NFIC: variants seen among roughly 807,000 people sequenced by gnomAD.
NFIC encodes the protein nuclear factor I C.
Under a neutral mutation model 54.4 loss-of-function variants are expected in NFIC, and 12 were observed. That is an observed-to-expected ratio of 0.22 (90% CI 0.14 to 0.36). The LOEUF is 0.36. Ranked by LOEUF, NFIC falls within the 10% of genes least tolerant of loss-of-function variation. The pLI is 1.00. For synonymous variants in NFIC, 322 were observed against 319.2 expected (o/e 1.01, Z -0.09); for missense variants, 575 against 718.2 (o/e 0.80, Z 2.28).
At chr19:3,439,993 C>T (rs1320701634) in intron 6 of NFIC, among the ~76,000 whole-genome samples, 2 of 151,966 alleles carry the variant, frequency 1.3e-5, no homozygotes, top group African/African-American at 4.8e-5. Flanking sequence ...CGGCCAAACA[C>T]TGGAAGAATT....
intron 6 of NFIC, among the ~76,000 whole-genome samples, chr19:3,444,569 G>T (rs555957886): frequency 6.6e-6 from 1 of 152,300 alleles, no homozygotes; most frequent in Non-Finnish European, 1.5e-5. Flanking sequence ...ATTCTTTCTC[G>T]CGGTGCCTGA....
At chr19:3,460,803 C>T (rs1003122753) in intron 10 of NFIC, among the ~76,000 whole-genome samples, 1 of 152,028 alleles carries the variant, frequency 6.6e-6, no homozygotes, top group Non-Finnish European at 1.5e-5. Flanking sequence ...CATGAGCCAC[C>T]GAGCCCAGCC....
In NFIC at chr19:3,464,763, G is replaced by A. The variant is rs2082694457; in HGVS notation, c.*1994G>A. The A allele has an allele frequency of 9.3e-6, 9 of 970,284 alleles. No individual in the cohort carries two copies. In the South Asian group the frequency reaches 2.4e-4, roughly 26 times the overall value. The allele number at this position is 970,284 out of a possible 1,614,324, so 60.1% of individuals were successfully genotyped here. A position where few individuals can be genotyped will look rare whatever the true frequency, so the allele number is the denominator to read the frequency against. On this transcript the variant is annotated 3_prime_UTR_variant, in exon 11 of 11. Coordinates refer to ENST00000443272, the MANE Select transcript of NFIC (RefSeq NM_001245002.2). ...ACCCTCCCCCATCACCCCCAAGAGA[G>A]GTTCGCCATCCTCTGGCCTCGAGCC...
At position 3,463,516 on chromosome 19, in the gene NFIC, C is replaced by G. The variant is rs1409760428; in HGVS notation, c.*747C>G. The G allele has an allele frequency of 1.0e-6, 1 of 984,978 alleles. No individual in the cohort carries two copies. The highest frequency in any genetic ancestry group is 1.2e-6 in the Non-Finnish European group (1 of 829,880). The allele number at this position is 984,978 out of a possible 1,614,324, so 61.0% of individuals were successfully genotyped here. ...CCCTGCCTGCCGCGGGGCCTCCCCACAAGCCCCTCCCAAAGCGCCGGCCGA... is the reference window on the plus strand; with the variant it reads ...CCCTGCCTGCCGCGGGGCCTCCCCAGAAGCCCCTCCCAAAGCGCCGGCCGA... On this transcript the variant is annotated 3_prime_UTR_variant, in exon 11 of 11. Transcript: ENST00000443272.
At chr19:3,378,261 C>CAA (rs77487928) in intron 1 of NFIC, among the ~76,000 whole-genome samples, 30 of 51,608 alleles carry the variant, frequency 5.8e-4, no homozygotes, top group Admixed American at 1.5e-3. Flanking sequence ...AACTCTGTCT[C>CAA]AAAAAAAAAA....
chr19:3,394,834 G>C (rs2081437314), intron 2 of NFIC, among the ~76,000 whole-genome samples: 1 of 152,014 alleles, frequency 6.6e-6, no homozygotes, highest in Non-Finnish European at 1.5e-5. Context: ...AGGGATCCAG[G>C]TTGCGTGCTC....
chr19:3,444,368 C>T (rs527593758), intron 6 of NFIC, among the ~76,000 whole-genome samples: 3 of 152,166 alleles, frequency 2.0e-5, no homozygotes, highest in East Asian at 1.9e-4. Flanking sequence ...TTCAGGATGC[C>T]GGGAGGGGCG....
intron 6 of NFIC, among the ~76,000 whole-genome samples, chr19:3,438,429 CTTTT>C (rs59788026): frequency 8.1e-6 from 1 of 124,058 alleles, no homozygotes. Flanking sequence ...CTGAGGGTTT[CTTTT>C]TTTTTTTTTT....
At chr19:3,368,608 C>T (rs2080939397) in intron 1 of NFIC, among the ~76,000 whole-genome samples, 1 of 152,190 alleles carries the variant, frequency 6.6e-6, no homozygotes, top group Non-Finnish European at 1.5e-5. Context: ...GGGCTCCCTC[C>T]TCCCCTGCGA....
At chr19:3,455,785 G>A (rs188398704) in intron 9 of NFIC, among the ~76,000 whole-genome samples, 37 of 152,244 alleles carry the variant, frequency 2.4e-4, no homozygotes, top group Non-Finnish European at 2.4e-4. Context: ...AGGGCTCAAC[G>A]GGATTATGCC....
intron 1 of NFIC, among the ~76,000 whole-genome samples, chr19:3,368,945 GTGTC>G (rs1340476786): frequency 4.7e-5 from 7 of 147,724 alleles, no homozygotes; most frequent in African/African-American, 1.8e-4. Context: ...GTGTGTGTGT[GTGTC>G]TGTTTCTCCC....
At chr19:3,385,549 T>C (rs149870106) in intron 2 of NFIC, among the ~76,000 whole-genome samples, 27 of 150,810 alleles carry the variant, frequency 1.8e-4, no homozygotes, top group African/African-American at 5.4e-4. Flanking sequence ...TTTGGGTTTT[T>C]TGGGGGTTTT....
intron 2 of NFIC, among the ~76,000 whole-genome samples, chr19:3,407,856 A>G (rs1485942000): frequency 6.6e-6 from 1 of 152,146 alleles, no homozygotes; most frequent in Non-Finnish European, 1.5e-5. Context: ...GCTGCAAAGT[A>G]TGGCTGGAGG....
intron 6 of NFIC, among the ~76,000 whole-genome samples, chr19:3,438,765 A>C (rs1329582405): frequency 3.9e-5 from 6 of 152,064 alleles, no homozygotes; most frequent in Admixed American, 2.0e-4. Context: ...CCTCAGTGTA[A>C]AGCCCTCCTG....
intron 3 of NFIC, among the ~76,000 whole-genome samples, chr19:3,425,512 T>A (rs969439865): frequency 1.3e-5 from 2 of 152,206 alleles, no homozygotes; most frequent in African/African-American, 4.8e-5. Flanking sequence ...CAGGCTGGAG[T>A]GCAGTGGCAC....
intron 10 of NFIC, 34 bp from the exon 11 acceptor site, chr19:3,462,718 C>G (rs770354694): frequency 3.7e-6 from 6 of 1,611,702 alleles, no homozygotes; most frequent in African/African-American, 1.3e-5. Context: ...CCCTTTTTCT[C>G]TCTCCCTCTT....
intron 9 of NFIC, among the ~76,000 whole-genome samples, chr19:3,456,314 T>C (rs1323675722): frequency 6.6e-6 from 1 of 152,024 alleles, no homozygotes; most frequent in Non-Finnish European, 1.5e-5. Context: ...ACCTGGGCGA[T>C]CTCAGCCGTG....
chr19:3,364,212 A>G (rs950755281), upstream of NFIC, among the ~76,000 whole-genome samples: 2 of 151,762 alleles, frequency 1.3e-5, no homozygotes, highest in African/African-American at 4.8e-5. Context: ...GAGCTAAATC[A>G]TGCACCCATC....
chr19:3,387,597 G>C (rs1286032859), intron 2 of NFIC, among the ~76,000 whole-genome samples: 2 of 152,166 alleles, frequency 1.3e-5, no homozygotes, highest in Non-Finnish European at 2.9e-5. Context: ...CTCTGGATGG[G>C]GAGGGCTTCT....
Sources: allele counts gnomAD v4.1 joint callset (sites outside exome capture counted in the v4.1 genomes callset), GRCh38; gene constraint gnomAD v4.1.1; transcripts MANE v1.5; gene names NCBI Gene and HGNC (gene_info 2026-07-23, HGNC 2026-07-21).